CDH1: variants seen among roughly 807,000 people sequenced by gnomAD.
CDH1 encodes cadherin 1, also known as cadherin-1.
A neutral mutation model predicts 84.5 loss-of-function variants in CDH1; 35 were observed. That is an observed-to-expected ratio of 0.41 (90% CI 0.32 to 0.55). CDH1 has a LOEUF of 0.55. Among genes scored for constraint, CDH1 ranks in the 20% least tolerant of loss-of-function variants. The pLI, the probability that CDH1 is intolerant of heterozygous loss-of-function variation, is 0.19. For synonymous variants in CDH1, 417 were observed against 439.0 expected, an observed-to-expected ratio of 0.95 and a Z score of 0.63; for missense variants, 994 against 1,126.6, an observed-to-expected ratio of 0.88 and a Z score of 1.68.
At chr16:68,760,405 C>T (rs909878536) in intron 2 of CDH1, among the ~76,000 whole-genome samples, 2 of 151,890 alleles carry the variant, frequency 1.3e-5, no homozygotes, top group Non-Finnish European at 1.5e-5. Context: ...TGAGCCACCA[C>T]GCCCAGCCCT....
Position 68,812,185 on chromosome 16 carries a change from G to A in CDH1, c.1059G>A (p.Glu353=), listed in dbSNP as rs537703872. Reference sequence around the variant, plus strand: ...TTCAAGCTGCTGACCTTCAAGGTGAGGGGTTAAGCACAACAGCAACAGCTG... The same window carrying A: ...TTCAAGCTGCTGACCTTCAAGGTGAAGGGTTAAGCACAACAGCAACAGCTG... ...LVVQAADLQG[E]GLSTTATAVI... The change falls in exon 8 of 16, where the codon GAG becomes GAA. Residue 353 remains glutamate, a synonymous_variant. Transcript: ENST00000261769. 30 of 1,614,188 alleles carry A rather than the reference G, an allele frequency of 1.9e-5. No individual in the cohort carries two copies. The South Asian group carries it at 2.9e-4, about 15-fold the overall frequency.
chr16:68,829,980 G>A (rs532414433), intron 15 of CDH1, among the ~76,000 whole-genome samples, 183 bp downstream of exon 15: 91 of 130,662 alleles, frequency 7.0e-4, no homozygotes, highest in African/African-American at 2.7e-3. Context: ...TTTTTGAGAC[G>A]AAGTTTCACT....
intron 13 of CDH1, among the ~76,000 whole-genome samples, chr16:68,826,080 A>T (rs977575423): frequency 6.6e-6 from 1 of 152,086 alleles, no homozygotes; most frequent in Non-Finnish European, 1.5e-5. Flanking sequence ...TTGGCCTTCC[A>T]AAGTGTTGGG....
chr16:68,737,893 G>T (rs1256217521), intron 1 of CDH1, among the ~76,000 whole-genome samples: 3 of 152,230 alleles, frequency 2.0e-5, no homozygotes, highest in African/African-American at 7.2e-5. Context: ...TGCCAAGAAA[G>T]GTCGTAAATA....
intron 10 of CDH1, among the ~76,000 whole-genome samples, chr16:68,818,527 G>T (rs1961044300): frequency 6.9e-6 from 1 of 144,970 alleles, no homozygotes; most frequent in Admixed American, 6.9e-5. Flanking sequence ...TGGTTTTCTT[G>T]GTTTTCTTTT....
chr16:68,820,905 C>A (rs1302085553), intron 11 of CDH1, among the ~76,000 whole-genome samples: 1 of 152,028 alleles, frequency 6.6e-6, no homozygotes, highest in Non-Finnish European at 1.5e-5. Flanking sequence ...TCTCAAAATG[C>A]TGGGATTACA....
intron 2 of CDH1, among the ~76,000 whole-genome samples, chr16:68,778,685 A>G (rs566066521): frequency 1.3e-5 from 2 of 152,270 alleles, no homozygotes; most frequent in East Asian, 3.9e-4. Flanking sequence ...TTTCCAGATG[A>G]GCCTAAGCTA....
In CDH1 at chr16:68,833,804, TCACCCAGCAC is replaced by T. The variant is rs1961563183; in HGVS notation, c.*307_*316del. The T allele has an allele frequency of 2.2e-6, 1 of 452,428 alleles. No individual in the cohort carries two copies. The highest frequency in any genetic ancestry group is 4.1e-6 in the Non-Finnish European group (1 of 246,324). The allele number at this position is 452,428 out of a possible 1,614,324, so 28.0% of individuals were successfully genotyped here. On this transcript the variant is annotated 3_prime_UTR_variant, in exon 16 of 16. Transcript: ENST00000261769. ...AAGAACAACTTTAGCATCAGAAGGT[TCACCCAGCAC>T]CTTGCAGATTTTCTTAAGGAATTTT... is the stretch of plus-strand genomic sequence containing the variant.
In CDH1 at chr16:68,833,502, G is replaced by C. The variant is rs753123245; in HGVS notation, c.*3G>C. On this transcript the variant is annotated 3_prime_UTR_variant, in exon 16 of 16. Coordinates refer to ENST00000261769, the MANE Select transcript of CDH1 (RefSeq NM_004360.5). The stretch of plus-strand genomic sequence containing the variant: ...ACGGAGGCGGCGAGGACGACTAGGG[G>C]ACTCGAGAGAGGCGGGCCCCAGACC... 4 of 1,612,434 alleles carry C rather than the reference G, an allele frequency of 2.5e-6. No individual in the cohort carries two copies. The African/African-American group carries it at 4.0e-5, about 16-fold the overall frequency.
chr16:68,789,260 G>C (rs1221893614), intron 2 of CDH1, among the ~76,000 whole-genome samples: 1 of 152,016 alleles, frequency 6.6e-6, no homozygotes, highest in East Asian at 1.9e-4. Context: ...ACGGGACTTG[G>C]ACTCAAGTGA....
chr16:68,812,223 C>T lies in CDH1; in HGVS notation c.1097C>T (p.Thr366Ile), dbSNP rs876660260. 1.2e-6 allele frequency: 2 copies of T among 1,614,162 alleles called. No individual in the cohort carries two copies. Among genetic ancestry groups the T allele is most frequent in the Non-Finnish European group, 1.7e-6 (2 of 1,180,014 alleles). ...STTATAVITV[T>I]DTNDNPPIFN... is the part of the protein sequence containing the mutation. The stretch of plus-strand genomic sequence containing the variant: ...ACAGCAACAGCTGTGATCACAGTCA[C>T]TGACACCAACGATAATCCTCCGATC... Residue 366 changes from threonine (T) to isoleucine (I), a missense_variant, in exon 8 of 16, where the codon ACT becomes ATT. Around this residue, in one of 3 missense-constraint regions of CDH1, gnomAD observed 769 missense variants for 881.8 expected, o/e 0.87. Transcript: ENST00000261769.
At chr16:68,821,863 G>A in intron 11 of CDH1, 138 bp from the exon 12 acceptor site, 1 of 726,024 alleles carries the variant, frequency 1.4e-6, no homozygotes, top group Non-Finnish European at 2.5e-6. Flanking sequence ...TGGTGGGACA[G>A]GAGGTTCTGC....
chr16:68,744,848 C>T (rs1022676067), intron 2 of CDH1, among the ~76,000 whole-genome samples: 2 of 152,096 alleles, frequency 1.3e-5, no homozygotes, highest in African/African-American at 4.8e-5. Context: ...TGAAAGTCTC[C>T]CATGTTTTAC....
In CDH1 at chr16:68,834,390, AT is replaced by A; in HGVS notation, c.*898del. 5 of 408,928 alleles carry A rather than the reference AT, an allele frequency of 1.2e-5. No individual in the cohort carries two copies. The highest frequency in any genetic ancestry group is 2.2e-5 in the South Asian group (1 of 45,538). The allele number at this position is 408,928 out of a possible 1,614,324, so 25.3% of individuals were successfully genotyped here. A position where few individuals can be genotyped will look rare whatever the true frequency, so the allele number is the denominator to read the frequency against. ...CAGTTCTCCCACCAGCCTCCTTTTT[AT>A]TTTTTTGTACAGATGGGGTCTTGCT... On this transcript the variant is annotated 3_prime_UTR_variant, in exon 16 of 16. Transcript: ENST00000261769.
intron 2 of CDH1, among the ~76,000 whole-genome samples, chr16:68,789,566 A>G (rs180809082): frequency 4.0e-5 from 6 of 151,686 alleles, no homozygotes; most frequent in Admixed American, 2.0e-4. Context: ...TCCACATAGC[A>G]TATATTACAC....
In CDH1 at chr16:68,833,623, G is replaced by A. The variant is rs1961555013; in HGVS notation, c.*124G>A. On this transcript the variant is annotated 3_prime_UTR_variant, in exon 16 of 16. Transcript: ENST00000261769. Reference sequence around the variant, plus strand: ...GGGGAAAAAAAAGAGACTGGTTAGTGATGCAGTTAGTATAGCTTTATACTC... The same window carrying A: ...GGGGAAAAAAAAGAGACTGGTTAGTAATGCAGTTAGTATAGCTTTATACTC... 3 of 749,946 alleles carry A rather than the reference G, an allele frequency of 4.0e-6. No individual in the cohort carries two copies. In the South Asian group the frequency reaches 4.3e-5, roughly 11 times the overall value. The allele number at this position is 749,946 out of a possible 1,614,324, so 46.5% of individuals were successfully genotyped here. A position where few individuals can be genotyped will look rare whatever the true frequency, so the allele number is the denominator to read the frequency against.
Position 68,834,976 on chromosome 16 carries a change from CA to C in CDH1, c.*1478del. The C allele has an allele frequency of 4.3e-6, 1 of 232,366 alleles. No individual in the cohort carries two copies. Among genetic ancestry groups the C allele is most frequent in the Non-Finnish European group, 8.5e-6 (1 of 117,268 alleles). 14.4% of individuals were successfully genotyped at this position (232,366 alleles called of 1,614,324 possible). A position where few individuals can be genotyped will look rare whatever the true frequency, so the allele number is the denominator to read the frequency against. On this transcript the variant is annotated 3_prime_UTR_variant, in exon 16 of 16. Transcript: ENST00000261769. The stretch of plus-strand genomic sequence containing the variant: ...TCTGGAAGGAATGGAGGAGTCTCAA[CA>C]TGTGTTTCTGACACAAGATCCGTGG...
At chr16:68,743,355 CTTTCTTT>C (rs774079881) in intron 2 of CDH1, among the ~76,000 whole-genome samples, 2 of 26,174 alleles carry the variant, frequency 7.6e-5, no homozygotes, top group African/African-American at 2.7e-4. Flanking sequence ...TTCTTTCTTT[CTTTCTTT>C]CTTTTCTTTT....
intron 2 of CDH1, among the ~76,000 whole-genome samples, chr16:68,749,300 T>C (rs1182554996): frequency 4.6e-5 from 7 of 152,168 alleles, no homozygotes; most frequent in Non-Finnish European, 1.0e-4. Context: ...AGGAATATGT[T>C]GAGTTTGAGT....
Sources: gnomAD v4.1 joint callset for allele counts (sites outside exome capture counted in the v4.1 genomes callset) on GRCh38, gnomAD v4.1.1 for gene constraint, gnomAD v4.1.1 regional missense constraint, MANE v1.5 for transcripts, NCBI Gene and HGNC (gene_info 2026-07-23, HGNC 2026-07-21) for gene names.